Variants in ARHGAP24 observed in about 807,000 individuals in gnomAD.
ARHGAP24 encodes the protein rho GTPase-activating protein 24.
A neutral mutation model predicts 76.4 loss-of-function variants in ARHGAP24; 50 were observed. The ratio of observed to expected loss-of-function variants is 0.65; its 90% CI spans 0.52 to 0.83. ARHGAP24 has a LOEUF of 0.83. ARHGAP24 is among the 40% of genes least tolerant of loss of function. ARHGAP24 has a pLI of 0.00. For synonymous variants in ARHGAP24, 345 were observed against 323.3 expected (o/e 1.07, Z -0.72); for missense variants, 930 against 914.2 (o/e 1.02, Z -0.22).
intron 1 of ARHGAP24, among the ~76,000 whole-genome samples, chr4:85,564,963 T>C (rs1726774672): frequency 8.2e-6 from 1 of 121,512 alleles, no homozygotes; most frequent in African/African-American, 3.6e-5. Flanking sequence ...TATATATATA[T>C]ATATATACCC....
chr4:85,911,362 C>T (rs181640902), intron 3 of ARHGAP24, among the ~76,000 whole-genome samples: 39 of 152,162 alleles, frequency 2.6e-4, no homozygotes, highest in Non-Finnish European at 4.0e-4. Flanking sequence ...TCTGGAGCGG[C>T]CACTGCCATC....
At chr4:85,903,985 G>A (rs1434839682) in intron 3 of ARHGAP24, among the ~76,000 whole-genome samples, 2 of 152,154 alleles carry the variant, frequency 1.3e-5, no homozygotes, top group Non-Finnish European at 2.9e-5. Flanking sequence ...TTAAAAAAAA[G>A]AAACTTTATC....
At chr4:85,782,228 A>T (rs1268276855) in intron 3 of ARHGAP24, among the ~76,000 whole-genome samples, 1 of 151,948 alleles carries the variant, frequency 6.6e-6, no homozygotes, top group Non-Finnish European at 1.5e-5. Context: ...TCCTCACTTG[A>T]CTCCTCTTTC....
intron 2 of ARHGAP24, among the ~76,000 whole-genome samples, chr4:85,585,770 C>T (rs951582691): frequency 6.6e-6 from 1 of 152,168 alleles, no homozygotes; most frequent in African/African-American, 2.4e-5. Flanking sequence ...TGGTGGCTTA[C>T]AGTAATGTAT....
intron 1 of ARHGAP24, among the ~76,000 whole-genome samples, chr4:85,487,260 T>C (rs1336648783): frequency 7.9e-6 from 1 of 126,876 alleles, no homozygotes; most frequent in Non-Finnish European, 1.6e-5. Context: ...ATATTTATTA[T>C]ATATAAATAT....
intron 8 of ARHGAP24, among the ~76,000 whole-genome samples, chr4:85,993,286 A>G (rs1211553809): frequency 6.6e-6 from 1 of 152,134 alleles, no homozygotes; most frequent in African/African-American, 2.4e-5. Flanking sequence ...TTTATAATGC[A>G]AAATCTCATG....
chr4:85,698,040 G>A (rs1723935531), intron 2 of ARHGAP24, among the ~76,000 whole-genome samples: 2 of 152,270 alleles, frequency 1.3e-5, no homozygotes, highest in South Asian at 4.1e-4. Context: ...GTGTATTTGA[G>A]GGGAGTGTGG....
intron 3 of ARHGAP24, among the ~76,000 whole-genome samples, chr4:85,772,394 C>T (rs1727164373): frequency 6.6e-6 from 1 of 152,206 alleles, no homozygotes; most frequent in Non-Finnish European, 1.5e-5. Context: ...AGGAATTTTC[C>T]TATTCCAACT....
intron 3 of ARHGAP24, among the ~76,000 whole-genome samples, chr4:85,769,637 C>A (rs1461785319): frequency 1.3e-5 from 2 of 150,478 alleles, no homozygotes; most frequent in Non-Finnish European, 3.0e-5. Context: ...TTCTTCCTTT[C>A]TTTTCTTTTT....
chr4:85,948,474 GA>G (rs1439624710), intron 5 of ARHGAP24, among the ~76,000 whole-genome samples: 6 of 152,046 alleles, frequency 3.9e-5, no homozygotes, highest in Non-Finnish European at 5.9e-5. Context: ...TCTTATAGCA[GA>G]TTTTTGCTAA....
chr4:85,722,039 G>A, intron 3 of ARHGAP24, 67 bp downstream of exon 3: 2 of 1,405,830 alleles, frequency 1.4e-6, no homozygotes, highest in Non-Finnish European at 2.0e-6. Context: ...AGATGGGTCA[G>A]ACAGGTTTCA....
At position 85,551,519 on chromosome 4, in the gene ARHGAP24, G is replaced by A. The variant is rs1048524318; in HGVS notation, c.-20-19003G>A. ...TGTTGTTGTTGTTGTATGTCTCCTG[G>A]GTTTTGGTATCAGAATGATGCTGGC... On this transcript the variant is annotated intron_variant, in intron 1 of 9. Coordinates refer to ENST00000395184, the MANE Select transcript of ARHGAP24 (RefSeq NM_001025616.3). Among the ~76,000 whole-genome samples the A allele has an allele frequency of 4.6e-5, 7 of 152,186 alleles. No homozygotes were observed. In the Middle Eastern group the frequency reaches 0.017, roughly 370 times the overall value.
At chr4:85,943,981 G>A (rs1163741227) in intron 5 of ARHGAP24, among the ~76,000 whole-genome samples, 1 of 152,044 alleles carries the variant, frequency 6.6e-6, no homozygotes, top group African/African-American at 2.4e-5. Context: ...ACCCAGTAAT[G>A]GGATTGCTGG....
chr4:85,916,298 G>C (rs1735385335), intron 3 of ARHGAP24, among the ~76,000 whole-genome samples: 1 of 151,990 alleles, frequency 6.6e-6, no homozygotes, highest in Non-Finnish European at 1.5e-5. Context: ...GTTCCTTGTA[G>C]CTTCTGGATA....
chr4:85,538,309 A>G (rs1475300325), intron 1 of ARHGAP24, among the ~76,000 whole-genome samples: 2 of 152,196 alleles, frequency 1.3e-5, no homozygotes, highest in Non-Finnish European at 2.9e-5. Context: ...TAAATGAGCA[A>G]TGTATTTTGA....
At chr4:85,770,092 A>C (rs1349424197) in intron 3 of ARHGAP24, among the ~76,000 whole-genome samples, 1 of 152,160 alleles carries the variant, frequency 6.6e-6, no homozygotes, top group Non-Finnish European at 1.5e-5. Flanking sequence ...TGGACAATTT[A>C]TTTTCATTAT....
At chr4:85,931,189 G>A in intron 4 of ARHGAP24, 1 of 809,866 alleles carries the variant, frequency 1.2e-6, no homozygotes, top group South Asian at 2.3e-5. Flanking sequence ...ATCCTTGCTT[G>A]TCTATACTTA....
At chr4:85,800,373 G>A (rs1455000129) in intron 3 of ARHGAP24, among the ~76,000 whole-genome samples, 1 of 152,154 alleles carries the variant, frequency 6.6e-6, no homozygotes, top group Non-Finnish European at 1.5e-5. Flanking sequence ...TCTTGTACCA[G>A]AGAGTAGAAT....
intron 2 of ARHGAP24, among the ~76,000 whole-genome samples, chr4:85,675,704 G>A (rs1343754840): frequency 6.6e-6 from 1 of 152,340 alleles, no homozygotes; most frequent in East Asian, 1.9e-4. Context: ...GGCGGTGACT[G>A]AAGTGTGCGC....
Sources: allele counts gnomAD v4.1 joint callset (sites outside exome capture counted in the v4.1 genomes callset), GRCh38; gene constraint gnomAD v4.1.1; transcripts MANE v1.5; gene names NCBI Gene and HGNC (gene_info 2026-07-23, HGNC 2026-07-21).